Variants in DMXL2 observed in about 807,000 individuals in gnomAD.
The protein encoded by DMXL2 is Dmx like 2.
Under a neutral mutation model 331.1 loss-of-function variants are expected in DMXL2, and 103 were observed. That is an observed-to-expected ratio of 0.31 (90% CI 0.27 to 0.37). The LOEUF is 0.37. DMXL2 is among the 10% of genes least tolerant of loss of function. The pLI, the probability that DMXL2 is intolerant of heterozygous loss-of-function variation, is 1.00. For missense variants in DMXL2, 3,171 were observed against 3,642.9 expected (o/e 0.87, Z 3.33); for synonymous variants, 1,281 against 1,252.1 (o/e 1.02, Z -0.49).
chr15:51,588,630 A>G (rs1043386054), intron 1 of DMXL2, among the ~76,000 whole-genome samples: 4 of 152,224 alleles, frequency 2.6e-5, no homozygotes, highest in Non-Finnish European at 1.5e-5. Context: ...AAAACCATTT[A>G]ATCTAAATGT....
chr15:51,544,769 G>A (rs867286158), intron 8 of DMXL2, among the ~76,000 whole-genome samples: 1 of 152,004 alleles, frequency 6.6e-6, no homozygotes, highest in Non-Finnish European at 1.5e-5. Flanking sequence ...GATCTCAATC[G>A]TATAAAGAAA....
Position 51,500,191 on chromosome 15 carries a change from T to G in DMXL2, c.3033A>C (p.Ala1011=). 6.2e-7 allele frequency: 1 copy of G among 1,613,514 alleles called. No homozygotes were observed. Among genetic ancestry groups the G allele is most frequent in the South Asian group, 1.1e-5 (1 of 90,864 alleles). ...AACAAGTTGTAACCACTAAATAAGG[T>G]GCAAGGCACACTGGATAAATTGAAG... ...SSSSIYPVCL[A]PYLVVTTCSD... is the part of the protein sequence containing the mutation. Residue 1011 remains alanine (A), a synonymous_variant, in exon 18 of 44, where the codon GCA becomes GCC. Transcript: ENST00000560891.
intron 3 of DMXL2, among the ~76,000 whole-genome samples, chr15:51,566,278 TGC>T (rs1567126900): frequency 7.3e-6 from 1 of 136,760 alleles, no homozygotes; most frequent in Non-Finnish European, 1.6e-5. Flanking sequence ...TGTGTGTGTG[TGC>T]ATCTGCAAAC....
intron 1 of DMXL2, among the ~76,000 whole-genome samples, chr15:51,593,729 T>C (rs1212274789): frequency 2.6e-5 from 4 of 152,302 alleles, no homozygotes; most frequent in African/African-American, 4.8e-5. Flanking sequence ...CAGACCACAG[T>C]GCAATCAAAC....
intron 6 of DMXL2, among the ~76,000 whole-genome samples, chr15:51,555,249 A>C (rs1010194900): frequency 6.6e-6 from 1 of 152,208 alleles, no homozygotes; most frequent in African/African-American, 2.4e-5. Flanking sequence ...TTAAAAATTT[A>C]ATACAATAAT....
chr15:51,571,100 G>A lies in DMXL2; in HGVS notation c.214-2542C>T, dbSNP rs556623245. 3.3e-5 allele frequency among the ~76,000 whole-genome samples: 5 copies of A among 152,030 alleles called. No homozygotes were observed. In the East Asian group the frequency reaches 7.7e-4, roughly 24 times the overall value. ...AAAGGGATAGAGGAAGATTTACCAA[G>A]AAAATGGAAAGCAAAAAAAAGCAGG... On this transcript the variant is annotated intron_variant, in intron 2 of 43. Transcript: ENST00000560891.
At chr15:51,503,822 G>A (rs1199071759) in intron 16 of DMXL2, among the ~76,000 whole-genome samples, 3 of 151,812 alleles carry the variant, frequency 2.0e-5, no homozygotes, top group Non-Finnish European at 2.9e-5. Context: ...TCACATGTAC[G>A]CCATAAATAC....
chr15:51,532,115 G>A (rs1486575831), intron 13 of DMXL2, among the ~76,000 whole-genome samples: 1 of 151,614 alleles, frequency 6.6e-6, no homozygotes. Flanking sequence ...AGATTTGGAG[G>A]CAACCTAAGT....
intron 32 of DMXL2, 119 bp from the exon 33 acceptor site, chr15:51,463,615 T>C: frequency 1.6e-6 from 1 of 622,214 alleles, no homozygotes; most frequent in Non-Finnish European, 2.7e-6. Context: ...TTTTAAAACC[T>C]TCATAATCTA....
At chr15:51,573,807 C>T (rs537973482) in intron 2 of DMXL2, among the ~76,000 whole-genome samples, 1 of 151,906 alleles carries the variant, frequency 6.6e-6, no homozygotes, top group Non-Finnish European at 1.5e-5. Context: ...CAAACCTACA[C>T]GTTCTGCACG....
chr15:51,556,172 T>C (rs1024233808), intron 6 of DMXL2, among the ~76,000 whole-genome samples: 3 of 151,202 alleles, frequency 2.0e-5, no homozygotes, highest in African/African-American at 7.3e-5. Context: ...TGAAACCCCG[T>C]CTCTACTAAA....
At chr15:51,524,422 A>C (rs1358936163) in intron 13 of DMXL2, among the ~76,000 whole-genome samples, 1 of 152,190 alleles carries the variant, frequency 6.6e-6, no homozygotes, top group African/African-American at 2.4e-5. Context: ...TACGAAAAAA[A>C]GCACCTTCAT....
chr15:51,503,047 T>C lies in DMXL2; in HGVS notation c.2765-14A>G. 6.5e-7 allele frequency: 1 copy of C among 1,530,932 alleles called. No individual in the cohort carries two copies. Among genetic ancestry groups the C allele is most frequent in the Non-Finnish European group, 8.9e-7 (1 of 1,118,856 alleles). The allele number at this position is 1,530,932 out of a possible 1,614,324, so 94.8% of individuals were successfully genotyped here. ...CTGAAGCTTTAGCTTTAAAAATAAA[T>C]TATAAAATTACAAAATGTATGTATA... is the stretch of plus-strand genomic sequence containing the variant. On this transcript the variant is annotated splice_polypyrimidine_tract_variant and intron_variant, in intron 16 of 43. Coordinates refer to ENST00000560891, the MANE Select transcript of DMXL2 (RefSeq NM_001378457.1).
Position 51,498,946 on chromosome 15 carries a change from G to C in DMXL2, c.4278C>G (p.Ile1426Met), listed in dbSNP as rs2043381449. 10 of 1,614,092 alleles carry C rather than the reference G, an allele frequency of 6.2e-6. No individual in the cohort carries two copies. In the East Asian group the frequency reaches 2.0e-4, roughly 32 times the overall value. ...GTRDYTEIDS[I>M]PPLPLYALLA... ...GTAATGCATATAGTGGTAGTGGAGGGATAGAATCTATCTCAGTATAATCTC... is the reference window on the plus strand; with the variant it reads ...GTAATGCATATAGTGGTAGTGGAGGCATAGAATCTATCTCAGTATAATCTC... The change falls in exon 18 of 44, where the codon ATC becomes ATG. Residue 1426 changes from isoleucine (I) to methionine (M), a missense_variant. Ile to Met is a conservative substitution (Grantham distance 10, BLOSUM62 1). Around this residue, in one of 7 missense-constraint regions of DMXL2, gnomAD observed 1,674 missense variants for 1,780.2 expected, o/e 0.94. Transcript: ENST00000560891.
chr15:51,580,529 T>C (rs1317753539), intron 1 of DMXL2, among the ~76,000 whole-genome samples: 2 of 152,208 alleles, frequency 1.3e-5, no homozygotes, highest in African/African-American at 2.4e-5. Context: ...AGCTGACCTG[T>C]GCCAGAGCAC....
Position 51,455,205 on chromosome 15 carries a change from A to T in DMXL2, c.8550T>A (p.Gly2850=), listed in dbSNP as rs754554055. 1.9e-6 allele frequency: 3 copies of T among 1,613,896 alleles called. No homozygotes were observed. The Admixed American group carries it at 5.0e-5, about 27-fold the overall frequency. Residue 2850 remains glycine, a synonymous_variant, in exon 40 of 44, where the codon GGT becomes GGA. Transcript: ENST00000560891. The stretch of plus-strand genomic sequence containing the variant: ...GGTTAACTTGCCAGATACTCAGAAA[A>T]CCCTCTCCATCCGCAACACCACACT... The part of the protein sequence containing the change: ...GNKCGVADGE[G]FLSIWQVNQT...
At chr15:51,504,106 CCA>C (rs1180330094) in intron 16 of DMXL2, among the ~76,000 whole-genome samples, 2 of 152,070 alleles carry the variant, frequency 1.3e-5, no homozygotes, top group African/African-American at 2.4e-5. Flanking sequence ...CCAGGCCTAA[CCA>C]CAGAGACACT....
At chr15:51,549,812 G>GT (rs72541508) in intron 6 of DMXL2, among the ~76,000 whole-genome samples, 8 of 152,046 alleles carry the variant, frequency 5.3e-5, no homozygotes, top group African/African-American at 1.2e-4. Context: ...GGATTGTTTG[G>GT]TTTTTTCTTG....
intron 1 of DMXL2, among the ~76,000 whole-genome samples, chr15:51,620,017 T>A (rs761230327): frequency 1.3e-5 from 2 of 152,222 alleles, no homozygotes; most frequent in Non-Finnish European, 2.9e-5. Context: ...ACAGGCTCCA[T>A]GAAGAGGAGC....
Sources: allele counts gnomAD v4.1 joint callset (sites outside exome capture counted in the v4.1 genomes callset), GRCh38; gene constraint gnomAD v4.1.1; regional missense constraint gnomAD v4.1.1; transcripts MANE v1.5; gene names NCBI Gene and HGNC (gene_info 2026-07-23, HGNC 2026-07-21).